Variants in ALX1 observed in about 807,000 individuals in gnomAD.
The protein encoded by ALX1 is ALX homeobox protein 1.
Under a neutral mutation model 31.7 loss-of-function variants are expected in ALX1, and 19 were observed. The observed-to-expected ratio is 0.60, with a 90% CI of 0.42 to 0.88. The LOEUF is 0.88. Among genes scored for constraint, ALX1 ranks in the 40% least tolerant of loss-of-function variants. The pLI, the probability that ALX1 is intolerant of heterozygous loss-of-function variation, is 0.00. For synonymous variants in ALX1, 153 were observed against 148.8 expected, an observed-to-expected ratio of 1.03 and a Z score of -0.20; for missense variants, 415 against 407.8, an observed-to-expected ratio of 1.02 and a Z score of -0.15.
intron 3 of ALX1, among the ~76,000 whole-genome samples, chr12:85,288,234 G>C (rs180758841): frequency 6.6e-6 from 1 of 151,386 alleles, no homozygotes; most frequent in Non-Finnish European, 1.5e-5. Context: ...GACTGTAAAG[G>C]TCGCTACGTC....
intron 1 of ALX1, among the ~76,000 whole-genome samples, 157 bp from the exon 2 acceptor site, chr12:85,283,415 T>C (rs1896705504): frequency 6.6e-6 from 1 of 152,212 alleles, no homozygotes; most frequent in Non-Finnish European, 1.5e-5. Flanking sequence ...TGTCCTACAA[T>C]GAATTAAGTA....
intron 2 of ALX1, among the ~76,000 whole-genome samples, chr12:85,285,361 GA>G (rs62678562): frequency 0.02 from 2,951 of 149,558 alleles, 97 homozygotes; most frequent in African/African-American, 0.069. Context: ...TTTGTCAATG[GA>G]AAAAAAAATA....
intron 1 of ALX1, among the ~76,000 whole-genome samples, chr12:85,281,883 T>G (rs1896678503): frequency 6.6e-6 from 1 of 152,216 alleles, no homozygotes. Flanking sequence ...TTGTATTGAC[T>G]CTGGATGGAC....
In ALX1 at chr12:85,301,665, A is replaced by G; in HGVS notation, c.*190A>G. On this transcript the variant is annotated 3_prime_UTR_variant, in exon 4 of 4. Coordinates refer to ENST00000316824, the MANE Select transcript of ALX1 (RefSeq NM_006982.3). Reference sequence around the variant, plus strand: ...GAATGAACCTCTGAAAAGACTAAATAGGTTTACCATGTGCCAGTCTCCACA... The same window carrying G: ...GAATGAACCTCTGAAAAGACTAAATGGGTTTACCATGTGCCAGTCTCCACA... The G allele has an allele frequency of 1.5e-6, 1 of 674,316 alleles. No homozygotes were observed. The highest frequency in any genetic ancestry group is 2.7e-5 in the East Asian group (1 of 36,592). 41.8% of individuals were successfully genotyped at this position (674,316 alleles called of 1,614,324 possible).
At chr12:85,293,949 A>G (rs975525679) in intron 3 of ALX1, among the ~76,000 whole-genome samples, 1 of 151,148 alleles carries the variant, frequency 6.6e-6, no homozygotes, top group Admixed American at 6.6e-5. Flanking sequence ...ATTCTGCATC[A>G]TAGACATTAA....
rs11431154 is a variant in ALX1, at chr12:85,286,749, A to AT, written c.532-97dup. ...ACATAAATACATTTCTTTTTACGTA[A>AT]TTTTTTTAACCTGGTTTACCTTTCT... On this transcript the variant is annotated intron_variant, in intron 2 of 3. Transcript: ENST00000316824. The AT allele has an allele frequency of 0.091, 101,365 of 1,118,680 alleles. 17,242 individuals are homozygous for AT. The highest frequency in any genetic ancestry group is 0.69 in the African/African-American group (42,501 of 61,222). 69.3% of individuals were successfully genotyped at this position (1,118,680 alleles called of 1,614,324 possible). A position where few individuals can be genotyped will look rare whatever the true frequency, so the allele number is the denominator to read the frequency against.
At chr12:85,282,402 C>T (rs1282383298) in intron 1 of ALX1, among the ~76,000 whole-genome samples, 1 of 151,832 alleles carries the variant, frequency 6.6e-6, no homozygotes, top group East Asian at 1.9e-4. Context: ...TTGAGAGTTA[C>T]TCCGTTAGTG....
At chr12:85,296,154 A>G (rs1174988832) in intron 3 of ALX1, among the ~76,000 whole-genome samples, 1 of 151,562 alleles carries the variant, frequency 6.6e-6, no homozygotes, top group Non-Finnish European at 1.5e-5. Flanking sequence ...CAGGGTTAGA[A>G]CAACAAAATC....
At chr12:85,289,996 A>C (rs1896798018) in intron 3 of ALX1, among the ~76,000 whole-genome samples, 1 of 151,090 alleles carries the variant, frequency 6.6e-6, no homozygotes, top group African/African-American at 2.4e-5. Context: ...AATTTCAGAA[A>C]AGTTGGAAAC....
intron 2 of ALX1, among the ~76,000 whole-genome samples, chr12:85,285,388 T>C (rs1896735793): frequency 6.6e-6 from 1 of 152,044 alleles, no homozygotes; most frequent in African/African-American, 2.4e-5. Flanking sequence ...CAAAAACGTA[T>C]TACTAAATTC....
intron 3 of ALX1, among the ~76,000 whole-genome samples, chr12:85,288,864 T>G (rs1896782158): frequency 6.6e-6 from 1 of 151,402 alleles, no homozygotes; most frequent in Non-Finnish European, 1.5e-5. Context: ...TTATTGTAAG[T>G]CTGCGCTTTA....
chr12:85,284,073 A>C (rs944435831), intron 2 of ALX1, among the ~76,000 whole-genome samples, 197 bp downstream of exon 2: 1 of 152,178 alleles, frequency 6.6e-6, no homozygotes, highest in Non-Finnish European at 1.5e-5. Flanking sequence ...GCAATATGTA[A>C]AACAAAAGAA....
intron 3 of ALX1, 109 bp downstream of exon 3, chr12:85,287,090 A>G: frequency 7.6e-7 from 1 of 1,307,304 alleles, no homozygotes; most frequent in Admixed American, 1.9e-5. Flanking sequence ...CCAAGAATGA[A>G]AATCTAAGCT....
At position 85,286,850 on chromosome 12, in the gene ALX1, T is replaced by A; in HGVS notation, c.532-3T>A. ...AAAATTCTAATTTTTATTAAATAATTAGGTTTGGTTTCAAAATCGAAGGGC... is the reference window on the plus strand; with the variant it reads ...AAAATTCTAATTTTTATTAAATAATAAGGTTTGGTTTCAAAATCGAAGGGC... On this transcript the variant is annotated splice_region_variant and splice_polypyrimidine_tract_variant and intron_variant, in intron 2 of 3. Coordinates refer to ENST00000316824, the MANE Select transcript of ALX1 (RefSeq NM_006982.3). 1.3e-6 allele frequency: 2 copies of A among 1,593,308 alleles called. No homozygotes were observed. The highest frequency in any genetic ancestry group is 1.7e-6 in the Non-Finnish European group (2 of 1,167,796).
chr12:85,294,221 A>T (rs1896855987), intron 3 of ALX1, among the ~76,000 whole-genome samples: 1 of 151,128 alleles, frequency 6.6e-6, no homozygotes, highest in Admixed American at 6.6e-5. Flanking sequence ...TTACATTTTT[A>T]TCTTTATTTC....
At chr12:85,284,681 G>T (rs770394502) in intron 2 of ALX1, among the ~76,000 whole-genome samples, 1 of 151,928 alleles carries the variant, frequency 6.6e-6, no homozygotes, top group Non-Finnish European at 1.5e-5. Context: ...TACCTCTTAG[G>T]AGTACTTTAT....
chr12:85,290,034 T>C (rs1432908595), intron 3 of ALX1, among the ~76,000 whole-genome samples: 1 of 150,940 alleles, frequency 6.6e-6, no homozygotes, highest in Non-Finnish European at 1.5e-5. Flanking sequence ...AGGACAGAAA[T>C]AAAGAATTAG....
intron 3 of ALX1, among the ~76,000 whole-genome samples, chr12:85,292,958 G>A (rs1211217801): frequency 6.6e-6 from 1 of 150,596 alleles, no homozygotes; most frequent in Admixed American, 6.6e-5. Flanking sequence ...TACTAATATA[G>A]CGGTAATTAA....
chr12:85,287,989 T>C (rs1052615462), intron 3 of ALX1, among the ~76,000 whole-genome samples: 1 of 151,540 alleles, frequency 6.6e-6, no homozygotes, highest in Admixed American at 6.6e-5. Flanking sequence ...ATTCAGTTCT[T>C]TAATGTTGTT....
Sources: gnomAD v4.1 joint callset for allele counts (sites outside exome capture counted in the v4.1 genomes callset) on GRCh38, gnomAD v4.1.1 for gene constraint, MANE v1.5 for transcripts, NCBI Gene and HGNC (gene_info 2026-07-23, HGNC 2026-07-21) for gene names.